Variants in TESMIN observed in about 807,000 individuals in gnomAD.
TESMIN encodes the protein testis expressed metallothionein like protein.
A neutral mutation model predicts 47.4 loss-of-function variants in TESMIN; 34 were observed. That is an observed-to-expected ratio of 0.72 (90% confidence interval 0.55 to 0.96). TESMIN has a LOEUF of 0.96. Among genes scored for constraint, TESMIN ranks in the 40% least tolerant of loss-of-function variants. TESMIN has a pLI of 0.00. For synonymous variants in TESMIN, 278 were observed against 258.9 expected, an observed-to-expected ratio of 1.07 and a Z score of -0.71; for missense variants, 610 against 637.2, an observed-to-expected ratio of 0.96 and a Z score of 0.46.
intron 2 of TESMIN, 81 bp from the exon 3 acceptor site, chr11:68,747,447 C>T (rs960577707): frequency 1.6e-6 from 2 of 1,264,502 alleles, no homozygotes. Flanking sequence ...AAATTGAAAT[C>T]TCAGTGATAA....
At chr11:68,716,019 A>G in intron 6 of TESMIN, 80 bp from the exon 7 acceptor site, 2 of 931,674 alleles carry the variant, frequency 2.1e-6, no homozygotes, top group East Asian at 2.6e-5. Context: ...ACGTGTAAGG[A>G]AAGAGCGGGC....
rs534382031 is a variant in TESMIN at position 68,726,008 on chromosome 11, T to C, written c.918-10069A>G. On this transcript the variant is annotated intron_variant, in intron 6 of 9. Transcript: ENST00000255087. The stretch of plus-strand genomic sequence containing the variant: ...TCCCAGCAACCAAAGGCGCTGGTTT[T>C]AACTGCTGCGTGGAGGAGAAAGGGG... 4.6e-5 allele frequency among the ~76,000 whole-genome samples: 7 copies of C among 152,272 alleles called. No homozygotes were observed. In the East Asian group the frequency reaches 1.2e-3, roughly 25 times the overall value.
downstream of TESMIN, among the ~76,000 whole-genome samples, chr11:68,706,122 A>G (rs532121595): frequency 2.6e-5 from 4 of 151,978 alleles, no homozygotes; most frequent in African/African-American, 7.3e-5. Context: ...TTAAAATAGC[A>G]CTGGCTCTCC....
rs1326804464 is a variant in TESMIN at position 68,722,156 on chromosome 11, T to C, written c.918-6217A>G. Reference sequence around the variant, plus strand: ...GGCACTTTAGAAACACTATGCTAAGTGAACTAAGCCAGATACAAAGGGACA... The same window carrying C: ...GGCACTTTAGAAACACTATGCTAAGCGAACTAAGCCAGATACAAAGGGACA... On this transcript the variant is annotated intron_variant, in intron 6 of 9. Transcript: ENST00000255087. Among the ~76,000 whole-genome samples, 3 of 152,168 alleles carry C rather than the reference T, an allele frequency of 2.0e-5. No homozygotes were observed. The East Asian group carries it at 5.8e-4, about 29-fold the overall frequency.
chr11:68,745,300 CAA>C (rs71993839), intron 3 of TESMIN, among the ~76,000 whole-genome samples, 189 bp from the exon 4 acceptor site: 44 of 72,472 alleles, frequency 6.1e-4, no homozygotes, highest in Admixed American at 7.5e-4. Context: ...CACCAAAGGG[CAA>C]AAAAAAAAAA....
Position 68,728,807 on chromosome 11 carries a change from A to C in TESMIN, c.917+9893T>G, listed in dbSNP as rs867953651. Among the ~76,000 whole-genome samples the C allele has an allele frequency of 2.6e-5, 4 of 152,352 alleles. No individual in the cohort carries two copies. In the Middle Eastern group the frequency reaches 0.014, roughly 518 times the overall value. Reference sequence around the variant, plus strand: ...ACTCTGCCTTGTGCTTTACAAATGGAACAACAAAGCCTGAATGACAGCACA... The same window carrying C: ...ACTCTGCCTTGTGCTTTACAAATGGCACAACAAAGCCTGAATGACAGCACA... On this transcript the variant is annotated intron_variant, in intron 6 of 9. Coordinates refer to ENST00000255087, the MANE Select transcript of TESMIN (RefSeq NM_004923.3).
chr11:68,750,970 G>A (rs1946595901), intron 1 of TESMIN, among the ~76,000 whole-genome samples: 8 of 120,344 alleles, frequency 6.6e-5, no homozygotes, highest in Admixed American at 6.5e-4. Flanking sequence ...GCCAGGTGAG[G>A]AGCGACCAGG....
In TESMIN at chr11:68,707,848, C is replaced by G. The variant is rs1946014485; in HGVS notation, c.*460G>C. On this transcript the variant is annotated 3_prime_UTR_variant, in exon 10 of 10. Coordinates refer to ENST00000255087, the MANE Select transcript of TESMIN (RefSeq NM_004923.3). The stretch of plus-strand genomic sequence containing the variant: ...GTATCACAACAGCCCATCCGGAGAA[C>G]TTATTTCTAAATAATTTGAAAAACA... The G allele has an allele frequency of 2.2e-6, 1 of 456,348 alleles. No individual in the cohort carries two copies. The highest frequency in any genetic ancestry group is 2.0e-5 in the African/African-American group (1 of 50,096). 28.3% of individuals were successfully genotyped at this position (456,348 alleles called of 1,614,324 possible). A position where few individuals can be genotyped will look rare whatever the true frequency, so the allele number is the denominator to read the frequency against.
At chr11:68,734,549 T>G (rs1462032730) in intron 6 of TESMIN, among the ~76,000 whole-genome samples, 1 of 152,214 alleles carries the variant, frequency 6.6e-6, no homozygotes, top group Non-Finnish European at 1.5e-5. Context: ...TAGCATTTAA[T>G]TTAGAATTCT....
intron 5 of TESMIN, among the ~76,000 whole-genome samples, chr11:68,740,170 AG>A (rs1195977903): frequency 3.9e-5 from 6 of 152,074 alleles, no homozygotes; most frequent in Admixed American, 1.3e-4. Context: ...AATCTGATTC[AG>A]GGGGTCTGAA....
At chr11:68,723,462 T>TA (rs201374225) in intron 6 of TESMIN, among the ~76,000 whole-genome samples, 10,558 of 90,342 alleles carry the variant, frequency 0.12, 466 homozygotes, top group Middle Eastern at 0.24. Flanking sequence ...GTGCATTTCC[T>TA]AAAAAAAAAA....
At chr11:68,727,114 A>C (rs1946273827) in intron 6 of TESMIN, among the ~76,000 whole-genome samples, 1 of 151,938 alleles carries the variant, frequency 6.6e-6, no homozygotes, top group South Asian at 2.1e-4. Context: ...GGATTTTCTT[A>C]AAGTCAATCA....
chr11:68,738,527 C>G (rs537896119), intron 6 of TESMIN, 173 bp downstream of exon 6: 1 of 1,392,382 alleles, frequency 7.2e-7, no homozygotes, highest in African/African-American at 1.5e-5. Context: ...CCAGTGAAAC[C>G]AGACACAGAC....
intron 9 of TESMIN, 116 bp downstream of exon 9, chr11:68,710,758 C>T (rs1946053753): frequency 2.8e-6 from 3 of 1,053,582 alleles, no homozygotes; most frequent in African/African-American, 1.6e-5. Flanking sequence ...TGCCCCCAAA[C>T]ACACGCCCGC....
intron 3 of TESMIN, among the ~76,000 whole-genome samples, chr11:68,745,487 G>T (rs1321769025): frequency 2.6e-5 from 4 of 152,124 alleles, no homozygotes; most frequent in African/African-American, 7.2e-5. Context: ...GCAGAAGAGG[G>T]TGCTGCTCCG....
At chr11:68,713,168 T>C in intron 8 of TESMIN, 102 bp downstream of exon 8, 2 of 1,196,420 alleles carry the variant, frequency 1.7e-6, no homozygotes, top group East Asian at 5.3e-5. Context: ...AAAATAATTA[T>C]ATTTATCTTT....
At chr11:68,742,963 ACC>A (rs961888336) in intron 4 of TESMIN, among the ~76,000 whole-genome samples, 1 of 150,884 alleles carries the variant, frequency 6.6e-6, no homozygotes, top group Non-Finnish European at 1.5e-5. Context: ...TGCAGCCTTG[ACC>A]CCCCTAGGCT....
intron 3 of TESMIN, chr11:68,747,004 T>C: frequency 1.7e-6 from 1 of 596,532 alleles, no homozygotes. Flanking sequence ...CTTTGTTCAA[T>C]TTGCTAAGAT....
At chr11:68,718,916 T>C (rs906564922) in intron 6 of TESMIN, among the ~76,000 whole-genome samples, 12 of 152,224 alleles carry the variant, frequency 7.9e-5, no homozygotes, top group African/African-American at 1.7e-4. Flanking sequence ...AAGACATTTT[T>C]AGACACGTAA....
Sources: gnomAD v4.1 joint callset for allele counts (sites outside exome capture counted in the v4.1 genomes callset) on GRCh38, gnomAD v4.1.1 for gene constraint, MANE v1.5 for transcripts, NCBI Gene and HGNC (gene_info 2026-07-23, HGNC 2026-07-21) for gene names.